The following EPB41L4A variants were observed in gnomAD, a reference collection of about 807,000 sequenced individuals.
The protein encoded by EPB41L4A is band 4.1-like protein 4A.
EPB41L4A carries 100 observed loss-of-function variants against 108.6 expected under a neutral mutation model. The observed-to-expected ratio is 0.92, with a 90% CI of 0.78 to 1.09. EPB41L4A has a LOEUF of 1.09. Ranked by LOEUF, EPB41L4A falls within the 50% of genes least tolerant of loss-of-function variation. The pLI, the probability that EPB41L4A is intolerant of heterozygous loss-of-function variation, is 0.00. For missense variants in EPB41L4A, 1,030 were observed against 842.7 expected (o/e 1.22, Z -2.75); for synonymous variants, 319 against 289.0 (o/e 1.10, Z -1.05).
chr5:112,190,686 GA>G (rs1373219289), intron 17 of EPB41L4A, among the ~76,000 whole-genome samples: 1 of 152,088 alleles, frequency 6.6e-6, no homozygotes, highest in African/African-American at 2.4e-5. Flanking sequence ...CAACAAAATG[GA>G]TCAGTTGTTA....
At chr5:112,302,410 A>G (rs1396067443) in intron 2 of EPB41L4A, among the ~76,000 whole-genome samples, 5 of 152,144 alleles carry the variant, frequency 3.3e-5, no homozygotes, top group Admixed American at 3.3e-4. Context: ...TTTGGAGGGG[A>G]AGATGGCTTC....
At chr5:112,330,623 C>A (rs1028341156) in intron 1 of EPB41L4A, among the ~76,000 whole-genome samples, 1 of 151,826 alleles carries the variant, frequency 6.6e-6, no homozygotes, top group African/African-American at 2.4e-5. Context: ...GGTAACTAGC[C>A]CAATGCCTTA....
At chr5:112,387,781 T>C (rs1760662257) in intron 1 of EPB41L4A, among the ~76,000 whole-genome samples, 1 of 152,238 alleles carries the variant, frequency 6.6e-6, no homozygotes, top group South Asian at 2.1e-4. Context: ...AGAGATTGTA[T>C]ATAAAACAGG....
intron 1 of EPB41L4A, among the ~76,000 whole-genome samples, chr5:112,351,665 AAG>A (rs928591869): frequency 6.6e-6 from 1 of 152,140 alleles, no homozygotes; most frequent in African/African-American, 2.4e-5. Flanking sequence ...CAGCAACAAA[AAG>A]AGAGAGACAG....
intron 9 of EPB41L4A, among the ~76,000 whole-genome samples, chr5:112,253,621 T>C (rs1217665090): frequency 6.6e-6 from 1 of 152,102 alleles, no homozygotes; most frequent in Non-Finnish European, 1.5e-5. Flanking sequence ...TCCCTATTCT[T>C]AGGAAATACA....
chr5:112,374,847 G>A (rs1170023475), intron 1 of EPB41L4A, among the ~76,000 whole-genome samples: 1 of 152,196 alleles, frequency 6.6e-6, no homozygotes, highest in African/African-American at 2.4e-5. Flanking sequence ...CTATCCTGTG[G>A]CCTTTCACAT....
chr5:112,242,805 T>C (rs1276463533), intron 9 of EPB41L4A, among the ~76,000 whole-genome samples: 1 of 152,224 alleles, frequency 6.6e-6, no homozygotes, highest in African/African-American at 2.4e-5. Flanking sequence ...ATTAATCTCC[T>C]TGTACATCTC....
At chr5:112,155,965 T>C (rs1217450085) in intron 12 of EPB41L4A, among the ~76,000 whole-genome samples, 1 of 152,016 alleles carries the variant, frequency 6.6e-6, no homozygotes, top group Non-Finnish European at 1.5e-5. Flanking sequence ...TTTAAAACAG[T>C]ATGAAAAAAA....
At chr5:112,222,580 C>G (rs1292985571) in intron 12 of EPB41L4A, among the ~76,000 whole-genome samples, 1 of 152,204 alleles carries the variant, frequency 6.6e-6, no homozygotes, top group Non-Finnish European at 1.5e-5. Flanking sequence ...TACTAAGCCT[C>G]CCTTCCCCTC....
At chr5:112,311,371 T>C (rs376916518) in intron 1 of EPB41L4A, among the ~76,000 whole-genome samples, 2 of 152,134 alleles carry the variant, frequency 1.3e-5, no homozygotes, top group African/African-American at 4.8e-5. Context: ...TTGGTGTAAG[T>C]ACATCAAGCA....
intron 1 of EPB41L4A, among the ~76,000 whole-genome samples, chr5:112,308,633 G>A (rs1258800515): frequency 6.6e-6 from 1 of 152,166 alleles, no homozygotes; most frequent in Non-Finnish European, 1.5e-5. Flanking sequence ...CTTCCATGAT[G>A]AATCTTTAGG....
At chr5:112,187,646 T>A (rs532343047) in intron 17 of EPB41L4A, among the ~76,000 whole-genome samples, 2 of 152,218 alleles carry the variant, frequency 1.3e-5, no homozygotes, top group Non-Finnish European at 2.9e-5. Flanking sequence ...CAGTCCTTCC[T>A]CTTTTGCAAA....
At chr5:112,327,226 G>A (rs1468714277) in intron 1 of EPB41L4A, among the ~76,000 whole-genome samples, 1 of 152,138 alleles carries the variant, frequency 6.6e-6, no homozygotes, top group Non-Finnish European at 1.5e-5. Flanking sequence ...TCACTAGGAT[G>A]ATTAGAAAAG....
chr5:112,408,675 CAAAAAAAAAAAAAAAAAAAAAA>C (rs869290279), intron 1 of EPB41L4A, among the ~76,000 whole-genome samples: 2 of 35,760 alleles, frequency 5.6e-5, no homozygotes, highest in African/African-American at 2.4e-4. Context: ...GACTCCATCT[CAAAAAAAAAAAAAAAAAAAAAA>C]AAAAAAAAAA....
At chr5:112,178,265 A>G (rs560603645) in intron 18 of EPB41L4A, among the ~76,000 whole-genome samples, 1 of 152,186 alleles carries the variant, frequency 6.6e-6, no homozygotes, top group Non-Finnish European at 1.5e-5. Flanking sequence ...AAAAAACCAT[A>G]CATATGCATA....
chr5:112,319,459 A>G (rs1755631101), intron 1 of EPB41L4A, among the ~76,000 whole-genome samples: 1 of 152,234 alleles, frequency 6.6e-6, no homozygotes, highest in African/African-American at 2.4e-5. Context: ...TTGGTCAAGA[A>G]TCATCAGTGG....
chr5:112,168,948 GT>G (rs1219462419), intron 21 of EPB41L4A, 46 bp downstream of exon 21: 3 of 1,525,074 alleles, frequency 2.0e-6, no homozygotes, highest in East Asian at 4.5e-5. Flanking sequence ...AGACTGCACT[GT>G]TTTGGAGCCA....
At chr5:112,258,625 A>G (rs1561517638) in intron 9 of EPB41L4A, among the ~76,000 whole-genome samples, 2 of 152,112 alleles carry the variant, frequency 1.3e-5, no homozygotes, top group Admixed American at 1.3e-4. Context: ...TCTTTCGACC[A>G]TTTTTCTCAA....
chr5:112,207,871 AAAGAAC>A (rs1490029489), intron 13 of EPB41L4A, among the ~76,000 whole-genome samples: 1 of 152,216 alleles, frequency 6.6e-6, no homozygotes, highest in African/African-American at 2.4e-5. Context: ...GAGATTTCTC[AAAGAAC>A]TTAAAACAGA....
Sources: gnomAD v4.1 joint callset for allele counts (sites outside exome capture counted in the v4.1 genomes callset) on GRCh38, gnomAD v4.1.1 for gene constraint, MANE v1.5 for transcripts, NCBI Gene and HGNC (gene_info 2026-07-23, HGNC 2026-07-21) for gene names.